Variants in CEP128 observed in about 807,000 individuals in gnomAD.
CEP128 encodes centrosomal protein 128kDa.
Under a neutral mutation model 156.7 loss-of-function variants are expected in CEP128, and 132 were observed. The ratio of observed to expected loss-of-function variants is 0.84; its 90% CI spans 0.73 to 0.97. CEP128 has a LOEUF of 0.97. CEP128 is among the 50% of genes least tolerant of loss of function. CEP128 has a pLI of 0.00. For missense variants in CEP128, 1,252 were observed against 1,281.9 expected, an observed-to-expected ratio of 0.98 and a Z score of 0.36; for synonymous variants, 469 against 448.9, an observed-to-expected ratio of 1.04 and a Z score of -0.57.
intron 7 of CEP128, 142 bp downstream of exon 7, chr14:80,899,796 T>C (rs764273645): frequency 9.0e-5 from 50 of 556,850 alleles, no homozygotes; most frequent in Admixed American, 1.9e-4. Flanking sequence ...CAAAGGGCTG[T>C]AAACTGTTCT....
chr14:80,596,053 G>GAAAA (rs55831009), intron 19 of CEP128, among the ~76,000 whole-genome samples: 3 of 109,094 alleles, frequency 2.7e-5, no homozygotes, highest in Non-Finnish European at 5.6e-5. Context: ...TATCAGCAGG[G>GAAAA]AAAAAAAAAA....
At chr14:80,534,291 A>G (rs1889374039) in intron 21 of CEP128, among the ~76,000 whole-genome samples, 1 of 152,030 alleles carries the variant, frequency 6.6e-6, no homozygotes, top group Non-Finnish European at 1.5e-5. Context: ...ATTACTTAAG[A>G]TTTCAAAATT....
intron 10 of CEP128, among the ~76,000 whole-genome samples, chr14:80,840,139 T>G (rs2140081214): frequency 6.6e-6 from 1 of 152,274 alleles, no homozygotes; most frequent in East Asian, 1.9e-4. Context: ...AGCTCATCCT[T>G]AAATCTACTT....
intron 13 of CEP128, chr14:80,822,910 GT>G (rs1345495990): frequency 3.9e-6 from 2 of 516,912 alleles, no homozygotes; most frequent in East Asian, 8.0e-5. Flanking sequence ...AAGCTATGTT[GT>G]TAGCACACAG....
intron 8 of CEP128, among the ~76,000 whole-genome samples, chr14:80,874,476 A>C (rs1163387727): frequency 2.6e-5 from 4 of 152,038 alleles, no homozygotes; most frequent in Admixed American, 2.6e-4. Flanking sequence ...TCTCCAAAAA[A>C]AAAAAGAAAG....
At chr14:80,569,669 G>A (rs940120065) in intron 20 of CEP128, among the ~76,000 whole-genome samples, 1 of 152,206 alleles carries the variant, frequency 6.6e-6, no homozygotes, top group Non-Finnish European at 1.5e-5. Context: ...CCCTATGCCA[G>A]TTAACAGTTA....
rs145642470 is a variant in CEP128 at position 80,561,896 on chromosome 14, C to CTATATATATATATATATA, written c.2857-2595_2857-2594insTATATATATATATATATA. Among the ~76,000 whole-genome samples, 1,351 of 142,146 alleles carry CTATATATATATATATATA rather than the reference C, an allele frequency of 9.5e-3. 16 individuals are homozygous for CTATATATATATATATATA. The highest frequency in any genetic ancestry group is 0.028 in the South Asian group (123 of 4,344). 93.3% of individuals were successfully genotyped at this position (142,146 alleles called of 152,430 possible). On this transcript the variant is annotated intron_variant, in intron 20 of 24. Coordinates refer to ENST00000555265, the MANE Select transcript of CEP128 (RefSeq NM_152446.5). Reference sequence around the variant, plus strand: ...CTCCATTTTGTTGAAATACGAAGGTCTATATATATATATATATTTGTTTTG... The same window carrying CTATATATATATATATATA: ...CTCCATTTTGTTGAAATACGAAGGTCTATATATATATATATATATATATATATATATATATTTGTTTTG...
chr14:80,863,868 A>G (rs1168475458), intron 8 of CEP128, among the ~76,000 whole-genome samples: 9 of 152,244 alleles, frequency 5.9e-5, no homozygotes, highest in African/African-American at 1.9e-4. Flanking sequence ...CATTAATTTT[A>G]TGGTGCATTA....
At chr14:80,917,222 T>G (rs955718009) in intron 2 of CEP128, among the ~76,000 whole-genome samples, 6 of 152,208 alleles carry the variant, frequency 3.9e-5, no homozygotes, top group African/African-American at 1.4e-4. Context: ...CTAAACATGC[T>G]TTTCTTCCAT....
In CEP128 at chr14:80,497,286, G is replaced by T; in HGVS notation, c.*193C>A. 1 of 510,962 alleles carries T rather than the reference G, an allele frequency of 2.0e-6. No homozygotes were observed. Among genetic ancestry groups the T allele is most frequent in the South Asian group, 3.1e-5 (1 of 31,982 alleles). 31.7% of individuals were successfully genotyped at this position (510,962 alleles called of 1,614,324 possible). On this transcript the variant is annotated 3_prime_UTR_variant, in exon 25 of 25. Transcript: ENST00000555265. ...AATAAATTAGCTGCACATCATTCAT[G>T]ATCTGATATTATTTGGATTGGTTTA...
chr14:80,861,873 T>C (rs77869328), intron 9 of CEP128, among the ~76,000 whole-genome samples: 3,119 of 152,284 alleles, frequency 0.02, 131 homozygotes, highest in African/African-American at 0.07. Context: ...TTTTAATCAG[T>C]TGACTTTAAG....
intron 19 of CEP128, among the ~76,000 whole-genome samples, chr14:80,610,252 A>AC (rs1892943498): frequency 6.6e-6 from 1 of 152,168 alleles, no homozygotes; most frequent in Non-Finnish European, 1.5e-5. Context: ...CTTACTGGGA[A>AC]CTAAGCTCTG....
chr14:80,776,531 T>C (rs938993128), intron 16 of CEP128, among the ~76,000 whole-genome samples: 21 of 147,866 alleles, frequency 1.4e-4, no homozygotes, highest in Admixed American at 8.8e-4. Flanking sequence ...TATATATTAA[T>C]ATATATTAAT....
At chr14:80,582,057 A>G (rs1891614692) in intron 19 of CEP128, among the ~76,000 whole-genome samples, 1 of 152,216 alleles carries the variant, frequency 6.6e-6, no homozygotes, top group African/African-American at 2.4e-5. Context: ...GCCCAGGCCA[A>G]CCTGCTAGAT....
chr14:80,829,109 A>G (rs958607467), intron 13 of CEP128, among the ~76,000 whole-genome samples: 1 of 152,186 alleles, frequency 6.6e-6, no homozygotes, highest in African/African-American at 2.4e-5. Context: ...AAGGTGCCAT[A>G]AGAACATTAG....
At chr14:80,697,984 T>C (rs965348964) in intron 19 of CEP128, among the ~76,000 whole-genome samples, 2 of 151,938 alleles carry the variant, frequency 1.3e-5, no homozygotes, top group African/African-American at 4.8e-5. Context: ...TTTGACTCTT[T>C]TATCCTAGCT....
intron 2 of CEP128, among the ~76,000 whole-genome samples, chr14:80,924,800 A>T (rs906823257): frequency 2.6e-5 from 4 of 152,086 alleles, no homozygotes; most frequent in Non-Finnish European, 2.9e-5. Flanking sequence ...TACTATAACT[A>T]AAGAAAAAAA....
chr14:80,866,494 TG>T lies in CEP128; in HGVS notation c.646-3622del, dbSNP rs372544434. On this transcript the variant is annotated intron_variant, in intron 8 of 24. Transcript: ENST00000555265. ...TAAACCCAGACAACAGGCTAGCCTCTGGGACCCAGATACCAGCTCAGGCCAT... is the reference window on the plus strand; with the variant it reads ...TAAACCCAGACAACAGGCTAGCCTCTGGACCCAGATACCAGCTCAGGCCAT... Among the ~76,000 whole-genome samples, 1,267 of 152,238 alleles carry T rather than the reference TG, an allele frequency of 8.3e-3. 15 individuals carry two copies. Among genetic ancestry groups the T allele is most frequent in the Non-Finnish European group, 0.01 (683 of 68,020 alleles).
intron 23 of CEP128, among the ~76,000 whole-genome samples, chr14:80,508,718 T>C (rs1191450084): frequency 6.6e-6 from 1 of 152,216 alleles, no homozygotes; most frequent in Non-Finnish European, 1.5e-5. Context: ...AAAAATTTAC[T>C]GGTAGAGTAA....
Sources: allele counts gnomAD v4.1 joint callset (sites outside exome capture counted in the v4.1 genomes callset), GRCh38; gene constraint gnomAD v4.1.1; transcripts MANE v1.5; gene names NCBI Gene and HGNC (gene_info 2026-07-23, HGNC 2026-07-21).